Variants in EPB41L1 observed in about 807,000 individuals in gnomAD.
EPB41L1 encodes the protein erythrocyte membrane protein band 4.1 like 1, also known as band 4.1-like protein 1.
A neutral mutation model predicts 97.8 loss-of-function variants in EPB41L1; 29 were observed. The ratio of observed to expected loss-of-function variants is 0.30; its 90% CI spans 0.22 to 0.40. The LOEUF (loss-of-function observed/expected upper bound fraction) is 0.40, where lower values mean the gene tolerates loss of function less well. Ranked by LOEUF, EPB41L1 falls within the 10% of genes least tolerant of loss-of-function variation. The probability of loss-of-function intolerance (pLI) is 1.00; values close to 1 mark genes in which losing one functional copy is unlikely to be tolerated. For synonymous variants in EPB41L1, 383 were observed against 459.2 expected, an observed-to-expected ratio of 0.83 and a Z score of 2.12; for missense variants, 812 against 1,162.3, an observed-to-expected ratio of 0.70 and a Z score of 4.38.
chr20:36,227,938 A>C (rs903311936), intron 21 of EPB41L1, among the ~76,000 whole-genome samples: 17 of 152,208 alleles, frequency 1.1e-4, no homozygotes, highest in African/African-American at 4.1e-4. Context: ...AGAGGGCAGC[A>C]CTTGCCTAGC....
At chr20:36,166,471 T>C (rs1004357662) in intron 1 of EPB41L1, among the ~76,000 whole-genome samples, 1 of 152,214 alleles carries the variant, frequency 6.6e-6, no homozygotes, top group Non-Finnish European at 1.5e-5. Flanking sequence ...CGCTGAGCCC[T>C]GGGGATAATG....
chr20:36,185,161 G>A lies in EPB41L1; in HGVS notation c.611G>A (p.Arg204Gln), dbSNP rs1455915815. ...LQLRADIITG[R>Q]LPCSFVTHAL... ...CTGCGGGCAGACATCATCACGGGCC[G>A]GCTGCCATGCTCCTTTGTCACGCAT... Residue 204 changes from arginine to glutamine, a missense_variant, in exon 7 of 22, where the codon CGG (arginine) becomes CAG (glutamine). Arg to Gln is a conservative substitution (Grantham distance 43). This residue lies in a region of EPB41L1 where 230 missense variants were observed against 445.2 expected (regional missense o/e 0.52). Transcript: ENST00000338074. 1.2e-6 allele frequency: 2 copies of A among 1,612,892 alleles called. No individual in the cohort carries two copies. The highest frequency in any genetic ancestry group is 1.7e-6 in the Non-Finnish European group (2 of 1,180,028).
At chr20:36,169,632 C>T (rs1205916702) in intron 1 of EPB41L1, among the ~76,000 whole-genome samples, 1 of 152,196 alleles carries the variant, frequency 6.6e-6, no homozygotes, top group Non-Finnish European at 1.5e-5. Flanking sequence ...TATCCCCTGC[C>T]CAACCCCCTT....
intron 14 of EPB41L1, chr20:36,208,275 A>G: frequency 2.4e-6 from 1 of 419,022 alleles, no homozygotes; most frequent in Non-Finnish European, 4.8e-6. Context: ...CTGCCTCCTT[A>G]AGACTAACTG....
intron 1 of EPB41L1, chr20:36,155,823 C>T (rs1028413775): frequency 1.4e-5 from 5 of 355,134 alleles, no homozygotes; most frequent in African/African-American, 6.4e-5. Context: ...CTCCTCTGCA[C>T]CCAAAGGTGG....
Position 36,188,639 on chromosome 20 carries a change from CACAGAG to C in EPB41L1, c.1026+142_1026+147del, listed in dbSNP as rs1463779092. ...ACACACACACACACACACACACACA[CACAGAG>C]AGAGAGAGAGAGAGAGAGAGAGAGG... On this transcript the variant is annotated intron_variant, in intron 9 of 21. Transcript: ENST00000338074. 2.1e-4 allele frequency: 87 copies of C among 410,654 alleles called. No homozygotes were observed. The African/African-American group carries it at 2.6e-3, about 12-fold the overall frequency. 25.4% of individuals were successfully genotyped at this position (410,654 alleles called of 1,614,324 possible).
chr20:36,150,440 G>A (rs1472346467), upstream of EPB41L1: 2 of 152,038 alleles, frequency 1.3e-5, no homozygotes, highest in Non-Finnish European at 2.9e-5. Context: ...TTATTTGAAC[G>A]AGCCACATTT....
Position 36,188,631 on chromosome 20 carries a change from CACACACACACAGAGAGAG to C in EPB41L1, c.1026+134_1026+151del, listed in dbSNP as rs1414088217. 1.5e-4 allele frequency: 93 copies of C among 640,006 alleles called. No homozygotes were observed. The Middle Eastern group carries it at 1.5e-3, about 10-fold the overall frequency. The allele number at this position is 640,006 out of a possible 1,614,324, so 39.6% of individuals were successfully genotyped here. On this transcript the variant is annotated intron_variant, in intron 9 of 21. Transcript: ENST00000338074. ...ACACACACACACACACACACACACA[CACACACACACAGAGAGAG>C]AGAGAGAGAGAGAGAGAGAGGAGTC... is the stretch of plus-strand genomic sequence containing the variant.
chr20:36,205,964 T>G, intron 14 of EPB41L1: 1 of 1,289,902 alleles, frequency 7.8e-7, no homozygotes, highest in Non-Finnish European at 1.0e-6. Flanking sequence ...GCTGGTATCC[T>G]TGCCAACGGC....
chr20:36,117,331 T>C (rs112803405), intron 2 of EPB41L1, among the ~76,000 whole-genome samples: 2,876 of 152,272 alleles, frequency 0.019, 59 homozygotes, highest in Non-Finnish European at 0.026. Flanking sequence ...TCTGTGACTC[T>C]TACAGTCTCT....
chr20:36,100,304 C>G (rs1434056668), intron 1 of EPB41L1, among the ~76,000 whole-genome samples: 1 of 152,196 alleles, frequency 6.6e-6, no homozygotes, highest in Non-Finnish European at 1.5e-5. Context: ...TTTGCTCTCT[C>G]CCTTCTGTCT....
intron 11 of EPB41L1, 128 bp from the exon 12 acceptor site, chr20:36,194,084 G>A: frequency 8.0e-7 from 1 of 1,253,490 alleles, no homozygotes; most frequent in South Asian, 1.3e-5. Context: ...CACCCCTCTG[G>A]GCAATGGGTG....
In EPB41L1 at chr20:36,206,870, A is replaced by G. The variant is rs925880526; in HGVS notation, c.1669-2618A>G. 2.3e-6 allele frequency: 3 copies of G among 1,289,798 alleles called. No homozygotes were observed. The African/African-American group carries it at 4.6e-5, about 20-fold the overall frequency. 79.9% of individuals were successfully genotyped at this position (1,289,798 alleles called of 1,614,324 possible). On this transcript the variant is annotated intron_variant, in intron 14 of 21. Transcript: ENST00000338074. The surrounding 1 kb of genome is among the most constrained non-coding windows in gnomAD (Gnocchi z 5.5). ...GAGGAAAGTCCCACAGAGGAACTGAAGAAGCACCCTCCTCACAGAGGACAG... is the reference window on the plus strand; with the variant it reads ...GAGGAAAGTCCCACAGAGGAACTGAGGAAGCACCCTCCTCACAGAGGACAG...
Position 36,232,679 on chromosome 20 carries a change from AC to A in EPB41L1, c.*3342del. On this transcript the variant is annotated 3_prime_UTR_variant, in exon 22 of 22. Transcript: ENST00000338074. Reference sequence around the variant, plus strand: ...TGCTGTCCTGTTCCTTTTTACTCACACCCTTCTCTCCTTTCTCGTCCCCATG... The same window carrying A: ...TGCTGTCCTGTTCCTTTTTACTCACACCTTCTCTCCTTTCTCGTCCCCATG... 1 of 398,560 alleles carries A rather than the reference AC, an allele frequency of 2.5e-6. No homozygotes were observed. The highest frequency in any genetic ancestry group is 4.4e-6 in the Non-Finnish European group (1 of 226,004). 24.7% of individuals were successfully genotyped at this position (398,560 alleles called of 1,614,324 possible).
intron 1 of EPB41L1, among the ~76,000 whole-genome samples, chr20:36,104,825 T>C (rs1336512876): frequency 6.6e-6 from 1 of 152,122 alleles, no homozygotes; most frequent in Non-Finnish European, 1.5e-5. Flanking sequence ...GAGGAGGAGA[T>C]GGCACCCAAG....
intron 12 of EPB41L1, among the ~76,000 whole-genome samples, chr20:36,194,575 A>G (rs2062103342): frequency 6.6e-6 from 1 of 151,414 alleles, no homozygotes; most frequent in East Asian, 1.9e-4. Context: ...CCTGTCCTGT[A>G]CTCTCCCCAG....
chr20:36,210,557 T>C (rs1372346799), intron 15 of EPB41L1, among the ~76,000 whole-genome samples: 3 of 152,150 alleles, frequency 2.0e-5, no homozygotes, highest in African/African-American at 4.8e-5. Context: ...ATTCCTGGCA[T>C]TGAAATATGA....
intron 2 of EPB41L1, among the ~76,000 whole-genome samples, chr20:36,136,589 C>CTT (rs200537490): frequency 7.0e-6 from 1 of 143,230 alleles, no homozygotes. Flanking sequence ...TTTTTTCTTT[C>CTT]TTTTTTTTTT....
At chr20:36,178,725 A>G (rs1490285696) in intron 5 of EPB41L1, 53 bp downstream of exon 5, 3 of 1,576,882 alleles carry the variant, frequency 1.9e-6, no homozygotes, top group East Asian at 2.2e-5. Context: ...ATTCCAGGCC[A>G]TGAGAGCCCC....
Sources: allele counts gnomAD v4.1 joint callset (sites outside exome capture counted in the v4.1 genomes callset), GRCh38; gene constraint gnomAD v4.1.1; regional missense constraint gnomAD v4.1.1; non-coding constraint Gnocchi (gnomAD v3.1); transcripts MANE v1.5; gene names NCBI Gene and HGNC (gene_info 2026-07-23, HGNC 2026-07-21).